The following SCMH1 variants were observed in gnomAD, a reference collection of about 807,000 sequenced individuals.
SCMH1 encodes Scm polycomb group protein homolog 1.
In SCMH1, 37 loss-of-function variants were observed where a neutral mutation model predicts 70.8. That is an observed-to-expected ratio of 0.52 (90% CI 0.40 to 0.69). SCMH1 has a LOEUF of 0.69. SCMH1 is among the 30% of genes least tolerant of loss of function. The pLI is 0.00. For missense variants in SCMH1, 607 were observed against 827.3 expected (o/e 0.73, Z 3.27); for synonymous variants, 292 against 307.4 (o/e 0.95, Z 0.52).
intron 4 of SCMH1, among the ~76,000 whole-genome samples, chr1:41,158,905 G>T (rs1645791604): frequency 6.6e-6 from 1 of 152,112 alleles, no homozygotes; most frequent in Non-Finnish European, 1.5e-5. Context: ...GTTTCATATG[G>T]CCAGAAAGTC....
intron 14 of SCMH1, 61 bp from the exon 16 acceptor site, chr1:41,028,380 T>A: frequency 6.3e-7 from 1 of 1,599,436 alleles, no homozygotes; most frequent in South Asian, 1.1e-5. Context: ...CTGGTTGGTC[T>A]GACCACCCCA....
intron 8 of SCMH1, among the ~76,000 whole-genome samples, chr1:41,108,600 T>C (rs890329011): frequency 6.6e-6 from 1 of 152,262 alleles, no homozygotes; most frequent in Non-Finnish European, 1.5e-5. Flanking sequence ...TGGTAGTTAC[T>C]ACCCATCAGA....
intron 5 of SCMH1, among the ~76,000 whole-genome samples, chr1:41,144,901 T>C (rs1310359881): frequency 6.6e-6 from 1 of 152,182 alleles, no homozygotes; most frequent in East Asian, 1.9e-4. Flanking sequence ...TTTGGAGAAA[T>C]ATCTATTCAA....
At chr1:41,241,855 C>A (rs1282177344) in intron 1 of SCMH1, among the ~76,000 whole-genome samples, 4 of 151,680 alleles carry the variant, frequency 2.6e-5, no homozygotes, top group Admixed American at 6.6e-5. Flanking sequence ...CCTCCGGGCT[C>A]GGGGCCGGGC....
intron 8 of SCMH1, among the ~76,000 whole-genome samples, chr1:41,089,739 TACTTC>T (rs947861729): frequency 1.4e-5 from 2 of 147,478 alleles, no homozygotes; most frequent in African/African-American, 5.0e-5. Context: ...TTTTCTGACC[TACTTC>T]CTACCACTCT....
chr1:41,115,540 C>T (rs912765215), intron 7 of SCMH1, among the ~76,000 whole-genome samples: 7 of 152,128 alleles, frequency 4.6e-5, no homozygotes, highest in African/African-American at 1.7e-4. Flanking sequence ...TGGGCTTAAG[C>T]GATTCTTCCA....
At chr1:41,202,224 C>T (rs373579967) in intron 1 of SCMH1, among the ~76,000 whole-genome samples, 3 of 152,006 alleles carry the variant, frequency 2.0e-5, no homozygotes, top group East Asian at 1.9e-4. Flanking sequence ...TTAGTAGAGA[C>T]GGGGTTTCAC....
At chr1:41,048,832 G>T in exon 11 of SCMH1, 1 of 1,614,216 alleles carries the variant, frequency 6.2e-7, no homozygotes, top group Non-Finnish European at 8.5e-7. Flanking sequence ...GGAGTTGCTG[G>T]ACCTTCTTCT....
intron 10 of SCMH1, among the ~76,000 whole-genome samples, chr1:41,064,000 A>G (rs995260424): frequency 5.9e-5 from 9 of 152,236 alleles, no homozygotes; most frequent in Non-Finnish European, 8.8e-5. Flanking sequence ...TCCTCAACAA[A>G]GTATTATCAA....
intron 1 of SCMH1, among the ~76,000 whole-genome samples, chr1:41,195,526 G>C (rs1652830570): frequency 6.6e-6 from 1 of 151,554 alleles, no homozygotes; most frequent in Non-Finnish European, 1.5e-5. Flanking sequence ...GCTTTATAAT[G>C]AAAATACACA....
intron 13 of SCMH1, among the ~76,000 whole-genome samples, chr1:41,036,893 A>G (rs1052437332): frequency 6.6e-6 from 1 of 152,162 alleles, no homozygotes; most frequent in Non-Finnish European, 1.5e-5. Flanking sequence ...TTCCCTTAAG[A>G]AAGTGTCCCT....
chr1:41,053,075 G>A (rs530658977), intron 10 of SCMH1, among the ~76,000 whole-genome samples: 6 of 149,850 alleles, frequency 4.0e-5, no homozygotes, highest in Non-Finnish European at 7.4e-5. Flanking sequence ...GTGCCATCAC[G>A]CGAGGCTAAT....
intron 9 of SCMH1, among the ~76,000 whole-genome samples, chr1:41,071,859 C>G (rs1316410513): frequency 6.6e-6 from 1 of 152,098 alleles, no homozygotes; most frequent in Non-Finnish European, 1.5e-5. Flanking sequence ...GATGAGGTCT[C>G]ATTATATTGC....
chr1:41,130,620 A>G (rs984392628), intron 6 of SCMH1, among the ~76,000 whole-genome samples: 1 of 148,220 alleles, frequency 6.7e-6, no homozygotes. Context: ...ATGTAAGTAT[A>G]AAAAATTAGC....
chr1:41,101,550 A>C (rs940003358), intron 8 of SCMH1, among the ~76,000 whole-genome samples: 1 of 152,228 alleles, frequency 6.6e-6, no homozygotes, highest in Non-Finnish European at 1.5e-5. Flanking sequence ...GTGGATATAC[A>C]CATTTTTTCA....
At chr1:41,069,384 G>A (rs189850986) in intron 10 of SCMH1, among the ~76,000 whole-genome samples, 11 of 152,204 alleles carry the variant, frequency 7.2e-5, no homozygotes, top group South Asian at 2.1e-4. Flanking sequence ...AAATAAAAAC[G>A]TCAGTTAAAT....
intron 8 of SCMH1, among the ~76,000 whole-genome samples, chr1:41,096,074 A>G (rs1384059360): frequency 6.6e-6 from 1 of 152,232 alleles, no homozygotes; most frequent in African/African-American, 2.4e-5. Context: ...AAATGTTAAC[A>G]ATAGCAAAAG....
chr1:41,083,583 A>T (rs1304719033), intron 8 of SCMH1, among the ~76,000 whole-genome samples: 3 of 152,196 alleles, frequency 2.0e-5, no homozygotes, highest in East Asian at 1.9e-4. Context: ...GCCATCTCCA[A>T]CAAGCTACCA....
chr1:41,107,291 C>T (rs990038906), intron 8 of SCMH1, among the ~76,000 whole-genome samples: 8 of 151,920 alleles, frequency 5.3e-5, no homozygotes, highest in African/African-American at 1.9e-4. Flanking sequence ...CCTCCAAAGT[C>T]GTACTTTATT....
Sources: gnomAD v4.1 joint callset for allele counts (sites outside exome capture counted in the v4.1 genomes callset) on GRCh38, gnomAD v4.1.1 for gene constraint, MANE v1.5 for transcripts, NCBI Gene and HGNC (gene_info 2026-07-23, HGNC 2026-07-21) for gene names.